TAFA2: variants seen among roughly 807,000 people sequenced by gnomAD.
TAFA2 encodes TAFA chemokine like family member 2, also known as chemokine-like protein TAFA-2.
Under a neutral mutation model 18.8 loss-of-function variants are expected in TAFA2, and 7 were observed. The observed-to-expected ratio is 0.37, with a 90% CI of 0.21 to 0.70. The LOEUF (loss-of-function observed/expected upper bound fraction) is 0.70, where lower values mean the gene tolerates loss of function less well. TAFA2 is among the 30% of genes least tolerant of loss of function. TAFA2 has a pLI of 0.53. For missense variants in TAFA2, 122 were observed against 158.1 expected (o/e 0.77, Z 1.23); for synonymous variants, 60 against 54.2 (o/e 1.11, Z -0.47).
At chr12:61,929,725 A>G (rs1260420397) in intron 1 of TAFA2, among the ~76,000 whole-genome samples, 1 of 152,024 alleles carries the variant, frequency 6.6e-6, no homozygotes, top group Non-Finnish European at 1.5e-5. Flanking sequence ...TTGCGGCACT[A>G]TTCACAATAG....
chr12:61,906,108 A>G (rs1876338505), intron 1 of TAFA2, among the ~76,000 whole-genome samples: 1 of 152,228 alleles, frequency 6.6e-6, no homozygotes, highest in Admixed American at 6.5e-5. Context: ...AATCTTCATT[A>G]GCAAATACAA....
chr12:62,205,312 A>G (rs1490882023), intron 1 of TAFA2, among the ~76,000 whole-genome samples: 7 of 152,244 alleles, frequency 4.6e-5, no homozygotes, highest in African/African-American at 7.2e-5. Flanking sequence ...CAAGAGGCAC[A>G]GGATCAGGAA....
intron 4 of TAFA2, among the ~76,000 whole-genome samples, chr12:61,713,413 AT>A (rs768151300): frequency 6.6e-6 from 1 of 152,178 alleles, no homozygotes; most frequent in Non-Finnish European, 1.5e-5. Context: ...GCTCAATTTA[AT>A]TCGGCTAAAG....
At chr12:61,719,215 TC>T (rs1295721727) in intron 4 of TAFA2, among the ~76,000 whole-genome samples, 1 of 152,126 alleles carries the variant, frequency 6.6e-6, no homozygotes, top group African/African-American at 2.4e-5. Context: ...TAGTAGCCTT[TC>T]CCCAAAACTC....
intron 1 of TAFA2, among the ~76,000 whole-genome samples, chr12:62,084,793 G>C (rs745874909): frequency 6.6e-5 from 10 of 152,106 alleles, no homozygotes; most frequent in Non-Finnish European, 1.3e-4. Flanking sequence ...GCATTCAGCA[G>C]AACTATACTT....
intron 1 of TAFA2, among the ~76,000 whole-genome samples, chr12:62,171,250 A>T (rs55951741): frequency 0.28 from 43,009 of 151,940 alleles, 6,389 homozygotes; most frequent in Non-Finnish European, 0.3. Flanking sequence ...AGGATAAAAG[A>T]AAGAACATAA....
chr12:61,919,312 CT>C (rs1876951876), intron 1 of TAFA2, among the ~76,000 whole-genome samples: 1 of 152,196 alleles, frequency 6.6e-6, no homozygotes, highest in African/African-American at 2.4e-5. Context: ...CTTCCCGCCC[CT>C]GGCCACTACC....
chr12:61,779,860 C>T (rs1419181543), intron 2 of TAFA2, among the ~76,000 whole-genome samples: 3 of 151,754 alleles, frequency 2.0e-5, no homozygotes, highest in Non-Finnish European at 4.4e-5. Flanking sequence ...ATGGTGTCTT[C>T]TTACTGGATC....
At chr12:61,853,313 G>A (rs1873753594) in intron 2 of TAFA2, among the ~76,000 whole-genome samples, 2 of 152,104 alleles carry the variant, frequency 1.3e-5, no homozygotes, top group Admixed American at 1.3e-4. Flanking sequence ...TTAGGGATGA[G>A]CTACAATAGA....
chr12:62,199,884 T>C lies in TAFA2; in HGVS notation c.-130+58879A>G, dbSNP rs148912023. Among the ~76,000 whole-genome samples the C allele has an allele frequency of 3.0e-4, 45 of 152,208 alleles. No individual in the cohort carries two copies. The East Asian group carries it at 7.7e-3, about 26-fold the overall frequency. On this transcript the variant is annotated intron_variant, in intron 1 of 5. Transcript: ENST00000551619. ...TACATTCCCACCAACAGTGTAAAAG[T>C]GTTTCTGTTTGTCCACAACCTCAAC...
chr12:62,174,592 T>C (rs1218791743), intron 1 of TAFA2, among the ~76,000 whole-genome samples: 1 of 152,154 alleles, frequency 6.6e-6, no homozygotes, highest in East Asian at 1.9e-4. Flanking sequence ...AAGAATTTAA[T>C]CTACCTATCA....
intron 1 of TAFA2, among the ~76,000 whole-genome samples, chr12:62,227,651 C>T (rs939112063): frequency 8.5e-5 from 13 of 152,126 alleles, no homozygotes; most frequent in African/African-American, 3.1e-4. Context: ...TCTATTTGTG[C>T]TTTTGTTGCC....
chr12:62,243,280 G>A (rs985059671), intron 1 of TAFA2, among the ~76,000 whole-genome samples: 2 of 152,256 alleles, frequency 1.3e-5, no homozygotes, highest in African/African-American at 4.8e-5. Flanking sequence ...GCAGGAAAAT[G>A]CTTTAATACT....
At chr12:62,010,718 C>T (rs1180013605) in intron 1 of TAFA2, among the ~76,000 whole-genome samples, 4 of 148,862 alleles carry the variant, frequency 2.7e-5, no homozygotes, top group South Asian at 2.1e-4. Context: ...CGCCTCTGCC[C>T]GGCCGCCCCG....
intron 1 of TAFA2, among the ~76,000 whole-genome samples, chr12:62,110,165 T>G (rs1188387471): frequency 6.6e-6 from 1 of 152,202 alleles, no homozygotes; most frequent in Non-Finnish European, 1.5e-5. Context: ...TATACCTAGT[T>G]TATTGAGAGT....
chr12:62,008,178 C>T (rs532732570), intron 1 of TAFA2, among the ~76,000 whole-genome samples: 8 of 152,214 alleles, frequency 5.3e-5, no homozygotes, highest in South Asian at 2.1e-4. Flanking sequence ...TTTGGGAACA[C>T]CATGAAAAAA....
chr12:62,195,803 A>G (rs1263104744), upstream of TAFA2, among the ~76,000 whole-genome samples: 1 of 152,218 alleles, frequency 6.6e-6, no homozygotes, highest in East Asian at 1.9e-4. Context: ...CGATTTTCAG[A>G]ATAGCAAATG....
chr12:62,103,310 C>T (rs2136853066), intron 1 of TAFA2, among the ~76,000 whole-genome samples: 1 of 152,312 alleles, frequency 6.6e-6, no homozygotes, highest in South Asian at 2.1e-4. Context: ...TGGATGTTTT[C>T]ATTTCCAATT....
intron 2 of TAFA2, among the ~76,000 whole-genome samples, chr12:61,802,608 TA>T (rs1275443367): frequency 1.3e-5 from 2 of 151,368 alleles, no homozygotes; most frequent in African/African-American, 4.9e-5. Context: ...CTGGGAAGGG[TA>T]GAGGGGAGGT....
Sources: allele counts gnomAD v4.1 joint callset (sites outside exome capture counted in the v4.1 genomes callset), GRCh38; gene constraint gnomAD v4.1.1; transcripts MANE v1.5; gene names NCBI Gene and HGNC (gene_info 2026-07-23, HGNC 2026-07-21).